Variants in TRIM6 observed in about 807,000 individuals in gnomAD.
TRIM6 encodes tripartite motif-containing protein 6.
TRIM6 carries 43 observed loss-of-function variants against 51.2 expected under a neutral mutation model. The observed-to-expected ratio is 0.84, with a 90% CI of 0.66 to 1.08. TRIM6 has a LOEUF of 1.08. Ranked by LOEUF, TRIM6 falls within the 50% of genes least tolerant of loss-of-function variation. The pLI is 0.00. For missense variants in TRIM6, 669 were observed against 619.0 expected, an observed-to-expected ratio of 1.08 and a Z score of -0.86; for synonymous variants, 215 against 232.4, an observed-to-expected ratio of 0.93 and a Z score of 0.68.
intron 2 of TRIM6, 22 bp downstream of exon 2, chr11:5,603,757 G>T: frequency 6.2e-7 from 1 of 1,609,140 alleles, no homozygotes; most frequent in Non-Finnish European, 8.5e-7. Context: ...GGATGGAATG[G>T]GAGACAGAGA....
intron 1 of TRIM6, among the ~76,000 whole-genome samples, chr11:5,600,730 GA>G (rs1404086883): frequency 1.3e-5 from 2 of 152,144 alleles, no homozygotes; most frequent in Non-Finnish European, 2.9e-5. Flanking sequence ...CTTTTGCTGG[GA>G]AACCAGCCAA....
chr11:5,604,933 A>G, intron 3 of TRIM6: 2 of 435,360 alleles, frequency 4.6e-6, no homozygotes, highest in South Asian at 2.9e-5. Context: ...CCTTGCATTC[A>G]GAGTACAAAT....
At chr11:5,599,604 C>T (rs1463106326) in intron 1 of TRIM6, among the ~76,000 whole-genome samples, 3 of 152,108 alleles carry the variant, frequency 2.0e-5, no homozygotes, top group African/African-American at 2.4e-5. Context: ...AGGGTTTCAC[C>T]GTGTTAGCCA....
intron 4 of TRIM6, among the ~76,000 whole-genome samples, chr11:5,606,010 A>G (rs551890732): frequency 6.6e-6 from 1 of 152,304 alleles, no homozygotes; most frequent in South Asian, 2.1e-4. Flanking sequence ...ATTTCTTCAG[A>G]CATTGCCACG....
intron 5 of TRIM6, among the ~76,000 whole-genome samples, chr11:5,609,698 A>G (rs1205846572): frequency 6.6e-6 from 1 of 152,182 alleles, no homozygotes; most frequent in Non-Finnish European, 1.5e-5. Context: ...TGAGGAGGGC[A>G]GATCACGAGG....
At chr11:5,597,000 T>G in intron 1 of TRIM6, 86 bp downstream of exon 1, 1 of 1,600,882 alleles carries the variant, frequency 6.2e-7, no homozygotes, top group Non-Finnish European at 8.5e-7. Context: ...TCCTTTCCCT[T>G]TCGGAACTCA....
chr11:5,610,798 A>T lies in TRIM6; in HGVS notation c.1007A>T (p.His336Leu). Residue 336 changes from histidine (H) to leucine (L), a missense_variant, in exon 8 of 8, where the codon CAC becomes CTC. By Grantham distance (99) the His-to-Leu change is moderately conservative. Transcript: ENST00000380097. ...SYWVDVTLNP[H>L]TANLNLVLAK... ...ACAGTTGACGTGACCCTGAATCCAC[A>T]CACAGCTAATTTAAATCTTGTCCTG... is the stretch of plus-strand genomic sequence containing the variant. The T allele has an allele frequency of 6.2e-7, 1 of 1,614,160 alleles. No individual in the cohort carries two copies. The highest frequency in any genetic ancestry group is 1.1e-5 in the South Asian group (1 of 91,074).
intron 1 of TRIM6, among the ~76,000 whole-genome samples, chr11:5,599,745 C>T (rs1191252751): frequency 6.6e-6 from 1 of 152,160 alleles, no homozygotes; most frequent in African/African-American, 2.4e-5. Flanking sequence ...TAAGATAGCA[C>T]ATTTATTTCT....
chr11:5,610,243 G>C lies in TRIM6; in HGVS notation c.956G>C (p.Arg319Thr), dbSNP rs1252780651. The C allele has an allele frequency of 6.2e-7, 1 of 1,614,160 alleles. No individual in the cohort carries two copies. The highest frequency in any genetic ancestry group is 1.1e-5 in the South Asian group (1 of 91,082). ...PDLKRMLRVC[R>T]ELTDVQSYWV... ...CTGAAAAGGATGCTGCGAGTGTGTA[G>C]AGGTAAGGAGATTCAGGGGAAAGAG... Residue 319 changes from arginine (R) to threonine (T), a missense_variant and splice_region_variant, in exon 6 of 8, where the codon AGA (arginine) becomes ACA (threonine). Arg to Thr is a moderately conservative substitution (Grantham distance 71, BLOSUM62 -1). Transcript: ENST00000380097.
chr11:5,607,207 A>AC (rs1194952828), intron 4 of TRIM6, among the ~76,000 whole-genome samples: 5 of 152,122 alleles, frequency 3.3e-5, no homozygotes, highest in Non-Finnish European at 5.9e-5. Flanking sequence ...CCATCTCAAA[A>AC]AAAAAAAATA....
Position 5,597,564 on chromosome 11 carries a change from G to A in TRIM6, c.17+650G>A, listed in dbSNP as rs561540101. Among the ~76,000 whole-genome samples the A allele has an allele frequency of 1.2e-4, 19 of 152,194 alleles. 1 individual carries two copies. In the South Asian group the frequency reaches 3.5e-3, roughly 28 times the overall value. Reference sequence around the variant, plus strand: ...TAAAAAAAAATGTTATTCCTAAAGTGCAAGAACTCATGCCCAACTCACTTA... The same window carrying A: ...TAAAAAAAAATGTTATTCCTAAAGTACAAGAACTCATGCCCAACTCACTTA... On this transcript the variant is annotated intron_variant, in intron 1 of 7. Transcript: ENST00000380097.
chr11:5,606,686 T>G (rs946880275), intron 4 of TRIM6, among the ~76,000 whole-genome samples: 11 of 152,210 alleles, frequency 7.2e-5, no homozygotes, highest in Admixed American at 6.5e-4. Flanking sequence ...CTTCACCTTT[T>G]GTTCTGGCTC....
chr11:5,611,235 T>G lies in TRIM6; in HGVS notation c.1444T>G (p.Phe482Val). 1 of 1,613,618 alleles carries G rather than the reference T, an allele frequency of 6.2e-7. No individual in the cohort carries two copies. Among genetic ancestry groups the G allele is most frequent in the Non-Finnish European group, 8.5e-7 (1 of 1,179,850 alleles). The change falls in exon 8 of 8, where the codon TTC becomes GTC. Residue 482 changes from phenylalanine to valine, a missense_variant. Coordinates refer to ENST00000380097, the MANE Select transcript of TRIM6 (RefSeq NM_001003818.3). ...VSFYNVTNHG[F>V]PIYTFSKYYF... ...CTTTTATAATGTCACAAACCATGGC[T>G]TCCCCATCTACACTTTCTCTAAATA...
chr11:5,603,159 C>G (rs758262433), intron 1 of TRIM6, 87 bp from the exon 2 acceptor site: 426 of 1,522,736 alleles, frequency 2.8e-4, no homozygotes, highest in South Asian at 1.8e-3. Context: ...GGTGTCTGAC[C>G]TCTTTATCCA....
chr11:5,611,149 C>T lies in TRIM6; in HGVS notation c.1358C>T (p.Ser453Phe), dbSNP rs745741929. 3 of 1,614,176 alleles carry T rather than the reference C, an allele frequency of 1.9e-6. No individual in the cohort carries two copies. In the South Asian group the frequency reaches 3.3e-5, roughly 18 times the overall value. Residue 453 changes from serine to phenylalanine, a missense_variant, in exon 8 of 8, where the codon TCC becomes TTC. Transcript: ENST00000380097. ...YEDSSPSLLL[S>F]MTVPPRRVGV... ...GATTCTTCCCCTTCCCTGCTTCTCT[C>T]CATGACAGTGCCCCCTCGCCGTGTT...
chr11:5,599,712 A>AT (rs5789415), intron 1 of TRIM6, among the ~76,000 whole-genome samples: 75,239 of 152,076 alleles, frequency 0.49, 19,060 homozygotes, highest in Middle Eastern at 0.71. Flanking sequence ...CAACACAATT[A>AT]TTTTTTAACA....
intron 1 of TRIM6, among the ~76,000 whole-genome samples, chr11:5,602,276 T>A (rs1847912170): frequency 6.6e-6 from 1 of 151,662 alleles, no homozygotes. Context: ...TCATCTCTAC[T>A]AAAAAATACA....
chr11:5,600,036 T>C (rs1847740928), intron 1 of TRIM6, among the ~76,000 whole-genome samples: 1 of 152,218 alleles, frequency 6.6e-6, no homozygotes, highest in African/African-American at 2.4e-5. Context: ...GTGTGATTAA[T>C]TTGGTTAAAC....
intron 1 of TRIM6, among the ~76,000 whole-genome samples, chr11:5,599,669 C>G (rs1847715794): frequency 6.6e-6 from 1 of 152,020 alleles, no homozygotes; most frequent in Non-Finnish European, 1.5e-5. Context: ...TCCCAAAGTG[C>G]TGGGATTACA....
Sources: allele counts gnomAD v4.1 joint callset (sites outside exome capture counted in the v4.1 genomes callset), GRCh38; gene constraint gnomAD v4.1.1; transcripts MANE v1.5; gene names NCBI Gene and HGNC (gene_info 2026-07-23, HGNC 2026-07-21).